The following RIC1 variants were observed in gnomAD, a reference collection of about 807,000 sequenced individuals.
RIC1 encodes RIC1 partner of RAB6A GEF complex, also known as guanine nucleotide exchange factor subunit RIC1.
In RIC1, 88 loss-of-function variants were observed where a neutral mutation model predicts 169.0. That is an observed-to-expected ratio of 0.52 (90% CI 0.44 to 0.62). The LOEUF (loss-of-function observed/expected upper bound fraction) is 0.62, where lower values mean the gene tolerates loss of function less well. Ranked by LOEUF, RIC1 falls within the 20% of genes least tolerant of loss-of-function variation. RIC1 has a pLI of 0.00. For synonymous variants in RIC1, 790 were observed against 601.5 expected (o/e 1.31, Z -4.59); for missense variants, 1,877 against 1,725.5 (o/e 1.09, Z -1.56).
chr9:5,773,879 C>A, intron 25 of RIC1, 79 bp from the exon 26 acceptor site: 1 of 1,297,804 alleles, frequency 7.7e-7, no homozygotes, highest in Non-Finnish European at 1.1e-6. Flanking sequence ...TATCAATGTT[C>A]AGTAGAAGTT....
intron 25 of RIC1, 94 bp downstream of exon 25, chr9:5,773,174 CATTTT>C (rs1827347423): frequency 5.9e-6 from 3 of 507,114 alleles, no homozygotes; most frequent in East Asian, 3.7e-5. Context: ...TCATGTGTTA[CATTTT>C]ATTTATTTAT....
intron 1 of RIC1, among the ~76,000 whole-genome samples, chr9:5,648,142 C>A (rs1390526392): frequency 6.6e-6 from 1 of 151,924 alleles, no homozygotes; most frequent in Non-Finnish European, 1.5e-5. Context: ...GCCACCATAC[C>A]CGACTAATTT....
chr9:5,689,883 A>G (rs1476352058), intron 2 of RIC1, 76 bp from the exon 3 acceptor site: 2 of 1,028,450 alleles, frequency 1.9e-6, no homozygotes, highest in Non-Finnish European at 2.8e-6. Flanking sequence ...CGAAGTAAGA[A>G]TTTATAAAAT....
intron 2 of RIC1, among the ~76,000 whole-genome samples, chr9:5,668,705 T>C (rs1267897120): frequency 6.6e-6 from 1 of 152,206 alleles, no homozygotes; most frequent in East Asian, 1.9e-4. Context: ...TACTGTACTT[T>C]TTATCTTCAG....
At position 5,770,000 on chromosome 9, in the gene RIC1, G is replaced by A. The variant is rs1563725717; in HGVS notation, c.3425-87G>A. On this transcript the variant is annotated intron_variant, in intron 22 of 25. Transcript: ENST00000414202. ...CTGTTCTTATTGGGTAGGCAGGTAG[G>A]GGAAGCTAAAAGAGCTGAATTGAAA... 4.2e-6 allele frequency: 5 copies of A among 1,202,128 alleles called. No homozygotes were observed. The South Asian group carries it at 6.0e-5, about 14-fold the overall frequency. 74.5% of individuals were successfully genotyped at this position (1,202,128 alleles called of 1,614,324 possible).
chr9:5,674,364 A>C lies in RIC1; in HGVS notation c.253-15595A>C, dbSNP rs118053254. On this transcript the variant is annotated intron_variant, in intron 2 of 25. Coordinates refer to ENST00000414202, the MANE Select transcript of RIC1 (RefSeq NM_020829.4). Reference sequence around the variant, plus strand: ...GTTTTAAATAGCCCAAGTAAGGATGAATTAAATTACTAGAAGCAGGTCAGC... The same window carrying C: ...GTTTTAAATAGCCCAAGTAAGGATGCATTAAATTACTAGAAGCAGGTCAGC... 8.1e-3 allele frequency among the ~76,000 whole-genome samples: 1,235 copies of C among 152,308 alleles called. 14 individuals carry two copies. The highest frequency in any genetic ancestry group is 0.051 in the East Asian group (264 of 5,178).
intron 6 of RIC1, among the ~76,000 whole-genome samples, chr9:5,729,060 A>G (rs1385913149): frequency 6.6e-6 from 1 of 152,072 alleles, no homozygotes; most frequent in Non-Finnish European, 1.5e-5. Context: ...TGTTCCTTGG[A>G]AAAGAGTCCT....
At chr9:5,671,847 A>C (rs1263877238) in intron 2 of RIC1, among the ~76,000 whole-genome samples, 1 of 152,084 alleles carries the variant, frequency 6.6e-6, no homozygotes, top group Non-Finnish European at 1.5e-5. Context: ...TTGCTTTGCC[A>C]CTCCTTAAGG....
intron 10 of RIC1, among the ~76,000 whole-genome samples, chr9:5,744,007 G>A (rs555080053): frequency 6.6e-6 from 1 of 151,034 alleles, no homozygotes; most frequent in Non-Finnish European, 1.5e-5. Flanking sequence ...TTGCCATGTT[G>A]CCCAGGCTGG....
At chr9:5,691,994 A>G (rs184134632) in intron 3 of RIC1, among the ~76,000 whole-genome samples, 6 of 152,186 alleles carry the variant, frequency 3.9e-5, no homozygotes, top group Admixed American at 3.9e-4. Flanking sequence ...ACTGCAAGAG[A>G]CACCAGTTAA....
At chr9:5,658,113 C>G (rs577232097) in intron 2 of RIC1, among the ~76,000 whole-genome samples, 273 of 152,174 alleles carry the variant, frequency 1.8e-3, no homozygotes, top group Non-Finnish European at 3.4e-3. Flanking sequence ...CATTCTGTGA[C>G]ATTTTATATT....
intron 6 of RIC1, among the ~76,000 whole-genome samples, chr9:5,722,742 G>A (rs1426843557): frequency 6.6e-6 from 1 of 151,190 alleles, no homozygotes; most frequent in Non-Finnish European, 1.5e-5. Context: ...GGTGTGTGAT[G>A]TTCCCCACCT....
At chr9:5,662,680 G>A (rs1014024078) in intron 2 of RIC1, among the ~76,000 whole-genome samples, 5 of 152,056 alleles carry the variant, frequency 3.3e-5, no homozygotes, top group African/African-American at 1.2e-4. Flanking sequence ...GGGTCAGGAT[G>A]ATATCCCCTT....
In RIC1 at chr9:5,629,379, C is replaced by G. The variant is rs1392249548; in HGVS notation, c.70C>G (p.His24Asp). 22 of 1,533,624 alleles carry G rather than the reference C, an allele frequency of 1.4e-5. No individual in the cohort carries two copies. Among genetic ancestry groups the G allele is most frequent in the African/African-American group, 2.7e-5 (2 of 72,736 alleles). ...GGGGAGCCCGGCCGAGGCGCCTTTC[C>G]ACGTTCAGTCCGACCCGCAGAGGGC... ...PLGSPAEAPF[H>D]VQSDPQRAFF... is the part of the protein sequence containing the mutation. The change falls in exon 1 of 26, where the codon CAC becomes GAC. Residue 24 changes from histidine (H) to aspartate (D), a missense_variant. By Grantham distance (81) the His-to-Asp change is moderately conservative (BLOSUM62 -1). Transcript: ENST00000414202.
chr9:5,652,637 C>A (rs1409546157), intron 1 of RIC1, among the ~76,000 whole-genome samples: 1 of 151,846 alleles, frequency 6.6e-6, no homozygotes, highest in Non-Finnish European at 1.5e-5. Flanking sequence ...GATTGTGTTA[C>A]CTGCAAATAG....
intron 2 of RIC1, among the ~76,000 whole-genome samples, chr9:5,687,219 C>G (rs1171112123): frequency 6.6e-6 from 1 of 151,970 alleles, no homozygotes; most frequent in Non-Finnish European, 1.5e-5. Context: ...TCTTTTTTGC[C>G]TGATCAGTGT....
At position 5,772,719 on chromosome 9, in the gene RIC1, C is replaced by T. The variant is rs144625429; in HGVS notation, c.3772C>T (p.His1258Tyr). The T allele has an allele frequency of 2.9e-5, 46 of 1,607,978 alleles. No individual in the cohort carries two copies. The highest frequency in any genetic ancestry group is 8.5e-6 in the Non-Finnish European group (10 of 1,178,238). ...ISMELASKGPHKSQVQLRYLL... is the reference protein window; with the variant it reads ...ISMELASKGPYKSQVQLRYLL... ...CATGGAGTTGGCCAGTAAAGGGCCT[C>T]ATAAATCCCAGGTCCAGCTTCGGTG... Residue 1258 changes from histidine to tyrosine, a missense_variant, in exon 24 of 26, where the codon CAT (histidine) becomes TAT (tyrosine). Coordinates refer to ENST00000414202, the MANE Select transcript of RIC1 (RefSeq NM_020829.4).
intron 1 of RIC1, among the ~76,000 whole-genome samples, chr9:5,634,100 G>C (rs921578077): frequency 2.6e-5 from 4 of 152,152 alleles, no homozygotes; most frequent in African/African-American, 9.7e-5. Context: ...ATGTGTGTAT[G>C]TGTGTGTGTT....
intron 3 of RIC1, among the ~76,000 whole-genome samples, chr9:5,692,323 A>G (rs1022320660): frequency 6.6e-6 from 1 of 152,092 alleles, no homozygotes; most frequent in African/African-American, 2.4e-5. Context: ...TAACAGTAGT[A>G]ATCATCTCAT....
Sources: allele counts gnomAD v4.1 joint callset (sites outside exome capture counted in the v4.1 genomes callset), GRCh38; gene constraint gnomAD v4.1.1; transcripts MANE v1.5; gene names NCBI Gene and HGNC (gene_info 2026-07-23, HGNC 2026-07-21).